Variants in ADGRL4 observed in about 807,000 individuals in gnomAD.
The protein encoded by ADGRL4 is adhesion G protein-coupled receptor L4, also known as EGF, latrophilin and seven transmembrane domain containing 1.
In ADGRL4, 90 loss-of-function variants were observed where a neutral mutation model predicts 74.8. The ratio of observed to expected loss-of-function variants is 1.20; its 90% confidence interval spans 1.02 to 1.43. The LOEUF is 1.43. Ranked by LOEUF, ADGRL4 falls within the 40% of genes most tolerant of loss-of-function variation. The pLI is 0.00. For synonymous variants in ADGRL4, 311 were observed against 279.2 expected, an observed-to-expected ratio of 1.11 and a Z score of -1.14; for missense variants, 881 against 814.3, an observed-to-expected ratio of 1.08 and a Z score of -1.00.
rs114681128 is a variant in ADGRL4, at chr1:78,901,498, C to G, written c.1750-8309G>C. Among the ~76,000 whole-genome samples, 1,006 of 152,226 alleles carry G rather than the reference C, an allele frequency of 6.6e-3. 11 individuals are homozygous for G. Among genetic ancestry groups the G allele is most frequent in the African/African-American group, 0.023 (952 of 41,538 alleles). On this transcript the variant is annotated intron_variant, in intron 12 of 14. Transcript: ENST00000370742. ...AAAGGATTGAACCCAGAAAATGATA[C>G]ATTTGGTCTTGGCAGAACTCTTTCT...
intron 2 of ADGRL4, among the ~76,000 whole-genome samples, chr1:78,992,581 A>C (rs906105101): frequency 2.6e-5 from 4 of 152,058 alleles, no homozygotes; most frequent in Non-Finnish European, 4.4e-5. Flanking sequence ...TAATACTCTC[A>C]TTCTTATCCT....
Position 78,929,931 on chromosome 1 carries a change from A to T in ADGRL4, c.878-2840T>A, listed in dbSNP as rs961186457. On this transcript the variant is annotated intron_variant, in intron 7 of 14. Coordinates refer to ENST00000370742, the MANE Select transcript of ADGRL4 (RefSeq NM_022159.4). ...CCAAACAGTACCCAAATTGTCTTTGAAATTTCAACAGTTTAACACATTCTT... is the reference window on the plus strand; with the variant it reads ...CCAAACAGTACCCAAATTGTCTTTGTAATTTCAACAGTTTAACACATTCTT... Among the ~76,000 whole-genome samples the T allele has an allele frequency of 3.3e-5, 5 of 151,532 alleles. 1 individual carries two copies. The highest frequency in any genetic ancestry group is 1.2e-4 in the African/African-American group (5 of 40,834).
At chr1:78,955,033 C>T (rs1209819792) in intron 2 of ADGRL4, among the ~76,000 whole-genome samples, 1 of 152,078 alleles carries the variant, frequency 6.6e-6, no homozygotes, top group East Asian at 1.9e-4. Flanking sequence ...AAACTTTGAT[C>T]AGCATGGCCA....
chr1:78,892,092 C>G lies in ADGRL4; in HGVS notation c.1842-400G>C, dbSNP rs575556937. On this transcript the variant is annotated intron_variant, in intron 13 of 14. Coordinates refer to ENST00000370742, the MANE Select transcript of ADGRL4 (RefSeq NM_022159.4). ...AGGAAGTATTTTCCCTAAGAAACTC[C>G]GAAAAGAAAGTATACCATGTGGACT... 8.5e-5 allele frequency among the ~76,000 whole-genome samples: 13 copies of G among 152,106 alleles called. No individual in the cohort carries two copies. In the South Asian group the frequency reaches 2.7e-3, roughly 32 times the overall value.
At chr1:78,966,401 G>A (rs528598811) in intron 2 of ADGRL4, among the ~76,000 whole-genome samples, 2 of 152,272 alleles carry the variant, frequency 1.3e-5, no homozygotes, top group East Asian at 3.9e-4. Context: ...CCAGGACCTG[G>A]CTCTTAGCTG....
chr1:78,925,459 T>C (rs1649091845), intron 8 of ADGRL4, among the ~76,000 whole-genome samples: 1 of 152,062 alleles, frequency 6.6e-6, no homozygotes, highest in Admixed American at 6.6e-5. Context: ...GTTACTATTC[T>C]TCTGAGGTAC....
chr1:78,975,237 T>C (rs1650253602), intron 2 of ADGRL4, among the ~76,000 whole-genome samples: 1 of 152,236 alleles, frequency 6.6e-6, no homozygotes, highest in East Asian at 1.9e-4. Flanking sequence ...GGGACCAAAA[T>C]GATGTATGAG....
At chr1:78,965,252 G>A (rs1274738151) in intron 2 of ADGRL4, among the ~76,000 whole-genome samples, 1 of 152,026 alleles carries the variant, frequency 6.6e-6, no homozygotes, top group African/African-American at 2.4e-5. Context: ...AAACTAATTT[G>A]TATGATACTT....
chr1:78,979,910 G>A (rs1310996116), intron 2 of ADGRL4, among the ~76,000 whole-genome samples: 2 of 151,848 alleles, frequency 1.3e-5, no homozygotes, highest in African/African-American at 4.8e-5. Context: ...AGGGAGAGAT[G>A]ATAAAATATT....
chr1:78,952,196 C>T (rs185007336), intron 2 of ADGRL4, among the ~76,000 whole-genome samples: 4 of 152,198 alleles, frequency 2.6e-5, no homozygotes, highest in East Asian at 3.9e-4. Context: ...CAGCATCACT[C>T]CTGTACACAT....
chr1:78,986,240 GA>G (rs112548479), intron 2 of ADGRL4, among the ~76,000 whole-genome samples: 7,789 of 151,256 alleles, frequency 0.051, 278 homozygotes, highest in African/African-American at 0.099. Flanking sequence ...TTTGCCTTTT[GA>G]AAAAAAATGT....
chr1:78,907,822 A>T (rs1008980999), intron 12 of ADGRL4, among the ~76,000 whole-genome samples: 6 of 151,980 alleles, frequency 3.9e-5, no homozygotes, highest in Non-Finnish European at 7.4e-5. Flanking sequence ...GAAAAAAAGA[A>T]GGTGAGCAGC....
At chr1:78,899,140 A>C (rs1445950150) in intron 12 of ADGRL4, among the ~76,000 whole-genome samples, 1 of 152,162 alleles carries the variant, frequency 6.6e-6, no homozygotes, top group Non-Finnish European at 1.5e-5. Context: ...TTTTTCATAA[A>C]TATCAAACAG....
At chr1:78,988,580 C>G (rs1250607681) in intron 2 of ADGRL4, among the ~76,000 whole-genome samples, 1 of 151,776 alleles carries the variant, frequency 6.6e-6, no homozygotes, top group Admixed American at 6.6e-5. Flanking sequence ...AGATAAAATA[C>G]TACACTGATG....
At chr1:78,911,394 T>C (rs1176498906) in intron 12 of ADGRL4, among the ~76,000 whole-genome samples, 1 of 151,904 alleles carries the variant, frequency 6.6e-6, no homozygotes, top group African/African-American at 2.4e-5. Flanking sequence ...TTATATTGTG[T>C]CTTTATTCTG....
chr1:78,945,223 T>G (rs1402897234), intron 3 of ADGRL4, among the ~76,000 whole-genome samples: 1 of 149,536 alleles, frequency 6.7e-6, no homozygotes, highest in Non-Finnish European at 1.5e-5. Context: ...ATCAAAGGCT[T>G]TATTGTGATT....
chr1:79,002,301 A>T (rs1292441414), intron 2 of ADGRL4, among the ~76,000 whole-genome samples: 1 of 152,136 alleles, frequency 6.6e-6, no homozygotes, highest in East Asian at 1.9e-4. Context: ...CTACTCATGA[A>T]AAAATGTCCC....
chr1:78,999,319 C>T (rs1385785773), intron 2 of ADGRL4, among the ~76,000 whole-genome samples: 3 of 152,190 alleles, frequency 2.0e-5, no homozygotes, highest in Admixed American at 2.0e-4. Context: ...GAAGTGCTAT[C>T]TCTGCTATTT....
chr1:78,951,700 T>G, intron 2 of ADGRL4, among the ~76,000 whole-genome samples: 1 of 152,330 alleles, frequency 6.6e-6, no homozygotes. Flanking sequence ...TTCATTTTAC[T>G]TAAGAGGAAA....
Sources: gnomAD v4.1 joint callset for allele counts (sites outside exome capture counted in the v4.1 genomes callset) on GRCh38, gnomAD v4.1.1 for gene constraint, MANE v1.5 for transcripts, NCBI Gene and HGNC (gene_info 2026-07-23, HGNC 2026-07-21) for gene names.